Variants in B3GLCT observed in about 807,000 individuals in gnomAD.
B3GLCT encodes beta-1,3-glucosyltransferase.
B3GLCT carries 65 observed loss-of-function variants against 63.4 expected under a neutral mutation model. The observed-to-expected ratio is 1.03, with a 90% CI of 0.84 to 1.26. The LOEUF (loss-of-function observed/expected upper bound fraction) is 1.26. Among genes scored for constraint, B3GLCT ranks in the 50% most tolerant of loss-of-function variants. The pLI is 0.00. For missense variants in B3GLCT, 577 were observed against 604.8 expected, an observed-to-expected ratio of 0.95 and a Z score of 0.48; for synonymous variants, 233 against 219.2, an observed-to-expected ratio of 1.06 and a Z score of -0.55.
chr13:31,289,865 AG>A (rs1180738558), intron 12 of B3GLCT, among the ~76,000 whole-genome samples: 8 of 151,304 alleles, frequency 5.3e-5, no homozygotes, highest in Non-Finnish European at 1.0e-4. Context: ...TAACATTGGT[AG>A]TTTTTTTTTT....
At chr13:31,264,234 A>G (rs1459265053) in intron 7 of B3GLCT, among the ~76,000 whole-genome samples, 6 of 152,158 alleles carry the variant, frequency 3.9e-5, no homozygotes, top group Admixed American at 3.3e-4. Flanking sequence ...CATTCAGACC[A>G]TAGTAATAGG....
At chr13:31,236,252 A>C (rs1200095736) in intron 4 of B3GLCT, among the ~76,000 whole-genome samples, 1 of 152,210 alleles carries the variant, frequency 6.6e-6, no homozygotes, top group Non-Finnish European at 1.5e-5. Flanking sequence ...GAAGCTTAGG[A>C]AATAGCTACA....
intron 12 of B3GLCT, among the ~76,000 whole-genome samples, chr13:31,308,355 A>AAAAAC (rs1566091448): frequency 7.5e-4 from 41 of 54,934 alleles, no homozygotes; most frequent in Middle Eastern, 0.012. Context: ...ATTAAAAAAA[A>AAAAAC]AAAAACAAAA....
chr13:31,269,456 T>C (rs1382480179), intron 8 of B3GLCT, among the ~76,000 whole-genome samples, 179 bp downstream of exon 8: 2 of 152,212 alleles, frequency 1.3e-5, no homozygotes, highest in African/African-American at 4.8e-5. Context: ...ATTTCAGTTA[T>C]GTAGATGAAG....
chr13:31,268,020 A>G (rs1028191265), intron 7 of B3GLCT, among the ~76,000 whole-genome samples: 2 of 151,836 alleles, frequency 1.3e-5, no homozygotes, highest in Admixed American at 6.6e-5. Flanking sequence ...TTTTTTTTTA[A>G]TTTGTTTTAA....
intron 6 of B3GLCT, among the ~76,000 whole-genome samples, chr13:31,260,709 A>G (rs1053926986): frequency 6.6e-6 from 1 of 152,190 alleles, no homozygotes; most frequent in Non-Finnish European, 1.5e-5. Context: ...GAGGACTAAC[A>G]TTTTGTTCAT....
At chr13:31,263,623 G>A (rs963377445) in intron 7 of B3GLCT, among the ~76,000 whole-genome samples, 20 of 152,268 alleles carry the variant, frequency 1.3e-4, no homozygotes, top group African/African-American at 4.1e-4. Flanking sequence ...AGGGTTGCAG[G>A]TTGTGCACTA....
At chr13:31,236,924 C>T (rs1870679063) in intron 4 of B3GLCT, among the ~76,000 whole-genome samples, 1 of 152,062 alleles carries the variant, frequency 6.6e-6, no homozygotes, top group African/African-American at 2.4e-5. Context: ...GTCTGGAGTT[C>T]AAGACCAGCC....
chr13:31,202,236 G>A (rs1022850382), intron 1 of B3GLCT, among the ~76,000 whole-genome samples: 1 of 152,184 alleles, frequency 6.6e-6, no homozygotes, highest in East Asian at 1.9e-4. Flanking sequence ...TTAGAGAAAA[G>A]TCAATATAGA....
intron 12 of B3GLCT, among the ~76,000 whole-genome samples, chr13:31,298,742 C>G (rs1337003251): frequency 3.3e-5 from 5 of 152,218 alleles, no homozygotes. Context: ...CCTCAGCCTA[C>G]TCCCATGCAG....
At chr13:31,295,762 G>A (rs1280699095) in intron 12 of B3GLCT, among the ~76,000 whole-genome samples, 1 of 152,166 alleles carries the variant, frequency 6.6e-6, no homozygotes, top group Non-Finnish European at 1.5e-5. Flanking sequence ...CCGTGGGGGT[G>A]GGGTTCGCTG....
intron 2 of B3GLCT, among the ~76,000 whole-genome samples, chr13:31,219,027 G>T (rs866570591): frequency 6.6e-6 from 1 of 151,576 alleles, no homozygotes; most frequent in South Asian, 2.1e-4. Context: ...TGTGTAAAGC[G>T]CTGGTTCCAG....
Position 31,229,309 on chromosome 13 carries a change from C to CAGACCCCCCAGCCA in B3GLCT, c.270+15_270+16insAGACCCCCCAGCCA. ...ATCTTACACAGGTACGTAGCGATGGCTGGGGGGTCTGCCAGTTATGTATTT... is the reference window on the plus strand; with the variant it reads ...ATCTTACACAGGTACGTAGCGATGGCAGACCCCCCAGCCATGGGGGGTCTGCCAGTTATGTATTT... On this transcript the variant is annotated intron_variant, in intron 4 of 14. Coordinates refer to ENST00000343307, the MANE Select transcript of B3GLCT (RefSeq NM_194318.4). 6 of 1,419,742 alleles carry CAGACCCCCCAGCCA rather than the reference C, an allele frequency of 4.2e-6. No individual in the cohort carries two copies. Among genetic ancestry groups the CAGACCCCCCAGCCA allele is most frequent in the Non-Finnish European group, 6.0e-6 (6 of 1,002,682 alleles). The allele number at this position is 1,419,742 out of a possible 1,614,324, so 87.9% of individuals were successfully genotyped here.
intron 14 of B3GLCT, among the ~76,000 whole-genome samples, chr13:31,326,437 C>T (rs1875627895): frequency 6.6e-6 from 1 of 151,886 alleles, no homozygotes; most frequent in African/African-American, 2.4e-5. Flanking sequence ...GTGTGTGCCA[C>T]CCGCCTGGCT....
At position 31,261,247 on chromosome 13, in the gene B3GLCT, C is replaced by T. The variant is rs559725071; in HGVS notation, c.596+165C>T. Among the ~76,000 whole-genome samples, 56 of 152,318 alleles carry T rather than the reference C, an allele frequency of 3.7e-4. No individual in the cohort carries two copies. In the South Asian group the frequency reaches 0.011, roughly 31 times the overall value. On this transcript the variant is annotated intron_variant, in intron 7 of 14. Coordinates refer to ENST00000343307, the MANE Select transcript of B3GLCT (RefSeq NM_194318.4). ...GGAGCCAGATGCTTGAGGGTTTCTG[C>T]TTCAGCGCTGTCATTTACTAGACCC... is the stretch of plus-strand genomic sequence containing the variant.
intron 13 of B3GLCT, 98 bp downstream of exon 13, chr13:31,317,783 A>C (rs1875127291): frequency 6.9e-7 from 1 of 1,442,602 alleles, no homozygotes; most frequent in African/African-American, 1.4e-5. Flanking sequence ...ACTGTACGTG[A>C]GTACTCTGTG....
At chr13:31,245,810 A>G (rs1364586718) in intron 4 of B3GLCT, among the ~76,000 whole-genome samples, 1 of 152,158 alleles carries the variant, frequency 6.6e-6, no homozygotes, top group Non-Finnish European at 1.5e-5. Context: ...GACAATGAAA[A>G]TTACTGCATA....
intron 12 of B3GLCT, among the ~76,000 whole-genome samples, chr13:31,309,095 G>C (rs1173043004): frequency 6.6e-6 from 1 of 152,190 alleles, no homozygotes; most frequent in Non-Finnish European, 1.5e-5. Flanking sequence ...GCAGAGCACT[G>C]TGACTTCATA....
At chr13:31,312,066 GGGCAGAGCCTTCAGT>G (rs1482803980) in intron 12 of B3GLCT, among the ~76,000 whole-genome samples, 5 of 152,176 alleles carry the variant, frequency 3.3e-5, no homozygotes, top group Non-Finnish European at 7.3e-5. Flanking sequence ...ACTTTGATGT[GGGCAGAGCCTTCAGT>G]GGCAAATGCC....
Sources: allele counts gnomAD v4.1 joint callset (sites outside exome capture counted in the v4.1 genomes callset), GRCh38; gene constraint gnomAD v4.1.1; transcripts MANE v1.5; gene names NCBI Gene and HGNC (gene_info 2026-07-23, HGNC 2026-07-21).